Variants in TSPAN18 observed in about 807,000 individuals in gnomAD.
TSPAN18 encodes the protein tetraspanin-18.
In TSPAN18, 14 loss-of-function variants were observed where a neutral mutation model predicts 27.3. The observed-to-expected ratio is 0.51, with a 90% CI of 0.34 to 0.80. The LOEUF (loss-of-function observed/expected upper bound fraction) is 0.80, where lower values mean the gene tolerates loss of function less well. Among genes scored for constraint, TSPAN18 ranks in the 30% least tolerant of loss-of-function variants. The probability of loss-of-function intolerance (pLI) is 0.01; values close to 1 mark genes in which losing one functional copy is unlikely to be tolerated. For missense variants in TSPAN18, 268 were observed against 323.9 expected (o/e 0.83, Z 1.32); for synonymous variants, 143 against 136.5 (o/e 1.05, Z -0.33).
intron 9 of TSPAN18, 61 bp downstream of exon 9, chr11:44,926,818 A>G: frequency 6.4e-7 from 1 of 1,560,806 alleles, no homozygotes; most frequent in Non-Finnish European, 8.8e-7. Flanking sequence ...GAGCCTAGGC[A>G]GATCCCCCCA....
intron 8 of TSPAN18, among the ~76,000 whole-genome samples, chr11:44,924,437 C>T (rs541621676): frequency 2.0e-5 from 3 of 152,280 alleles, no homozygotes; most frequent in African/African-American, 7.2e-5. Flanking sequence ...GGCTGGGACC[C>T]TAGGCAACCA....
At chr11:44,744,089 T>C (rs1007117811) in intron 1 of TSPAN18, among the ~76,000 whole-genome samples, 6 of 152,170 alleles carry the variant, frequency 3.9e-5, no homozygotes, top group Non-Finnish European at 5.9e-5. Context: ...ACTGTGAGTT[T>C]TTCTGCAAAT....
rs386373739 is a variant in TSPAN18 at position 44,908,056 on chromosome 11, G to GA, written c.63+1591dup. Among the ~76,000 whole-genome samples the GA allele has an allele frequency of 9.1e-4, 114 of 124,914 alleles. 1 individual carries two copies. Among genetic ancestry groups the GA allele is most frequent in the Admixed American group, 1.1e-3 (13 of 12,060 alleles). 81.9% of individuals were successfully genotyped at this position (124,914 alleles called of 152,430 possible). ...GGCAACAGAGTGAAACTCCGTCTCA[G>GA]AAAAAAAAAAAAAAGGAGAGAGACA... On this transcript the variant is annotated intron_variant, in intron 4 of 9. Transcript: ENST00000520358.
upstream of TSPAN18, chr11:44,726,822 A>T (rs1854512945): frequency 1.0e-5 from 1 of 98,410 alleles, no homozygotes. Context: ...GGCGAGGGGC[A>T]GCCCGCAGAG....
chr11:44,774,853 T>C lies in TSPAN18; in HGVS notation c.-153+10341T>C, dbSNP rs1344001249. On this transcript the variant is annotated intron_variant, in intron 2 of 9. Coordinates refer to ENST00000520358, the MANE Select transcript of TSPAN18 (RefSeq NM_130783.5). ...TAAGACAATAAAACAATTCAGAGCT[T>C]GGAAAATGAAGGGAAAAGAAATCAT... 2.0e-5 allele frequency among the ~76,000 whole-genome samples: 3 copies of C among 152,214 alleles called. No homozygotes were observed. In the East Asian group the frequency reaches 5.8e-4, roughly 29 times the overall value.
chr11:44,777,883 G>A lies in TSPAN18; in HGVS notation c.-153+13371G>A, dbSNP rs184850097. 1.7e-3 allele frequency among the ~76,000 whole-genome samples: 259 copies of A among 152,290 alleles called. 1 individual carries two copies. The highest frequency in any genetic ancestry group is 5.0e-3 in the African/African-American group (208 of 41,556). Reference sequence around the variant, plus strand: ...TGCCAAGCCCTGGTTCAGGGACTAGGGATACCCAGGTAGGCACCACATGTG... The same window carrying A: ...TGCCAAGCCCTGGTTCAGGGACTAGAGATACCCAGGTAGGCACCACATGTG... On this transcript the variant is annotated intron_variant, in intron 2 of 9. Transcript: ENST00000520358.
chr11:44,826,608 G>A (rs1311468212), intron 2 of TSPAN18, among the ~76,000 whole-genome samples: 1 of 152,206 alleles, frequency 6.6e-6, no homozygotes, highest in Non-Finnish European at 1.5e-5. Context: ...TAGAGATAAA[G>A]AAACTGATGC....
At chr11:44,799,174 G>T (rs532259207) in intron 2 of TSPAN18, among the ~76,000 whole-genome samples, 1 of 152,144 alleles carries the variant, frequency 6.6e-6, no homozygotes, top group African/African-American at 2.4e-5. Flanking sequence ...GGCTTCTCCT[G>T]CCCCCTCCCC....
At chr11:44,874,249 G>A (rs1316520034) in intron 3 of TSPAN18, among the ~76,000 whole-genome samples, 5 of 152,130 alleles carry the variant, frequency 3.3e-5, no homozygotes, top group Admixed American at 6.5e-5. Context: ...CACCTCTTCC[G>A]CCTGATTCAG....
intron 2 of TSPAN18, among the ~76,000 whole-genome samples, chr11:44,811,916 G>A (rs946234898): frequency 2.0e-5 from 3 of 152,214 alleles, no homozygotes; most frequent in Non-Finnish European, 4.4e-5. Context: ...AACCCCCAGG[G>A]GGAGAACAGA....
At chr11:44,861,511 C>T (rs1455667801) in intron 3 of TSPAN18, among the ~76,000 whole-genome samples, 1 of 147,630 alleles carries the variant, frequency 6.8e-6, no homozygotes, top group Non-Finnish European at 1.5e-5. Context: ...GTGGTGAGGT[C>T]GGTAGGTGTC....
At chr11:44,910,182 C>T (rs1294086567) in intron 5 of TSPAN18, among the ~76,000 whole-genome samples, 2 of 152,258 alleles carry the variant, frequency 1.3e-5, no homozygotes, top group Non-Finnish European at 2.9e-5. Flanking sequence ...TGCAGTGCCT[C>T]AGGCTGCCTC....
chr11:44,898,971 C>T (rs1859162639), intron 3 of TSPAN18, among the ~76,000 whole-genome samples: 1 of 152,230 alleles, frequency 6.6e-6, no homozygotes, highest in Admixed American at 6.5e-5. Context: ...AGACACCCAT[C>T]TGTAAGCACA....
intron 2 of TSPAN18, among the ~76,000 whole-genome samples, chr11:44,778,958 AT>A: frequency 6.6e-6 from 1 of 152,268 alleles, no homozygotes; most frequent in East Asian, 1.9e-4. Context: ...CACACCGGGC[AT>A]CCTCCCAGGA....
At chr11:44,925,009 A>G (rs1488963375) in intron 8 of TSPAN18, among the ~76,000 whole-genome samples, 2 of 152,216 alleles carry the variant, frequency 1.3e-5, no homozygotes, top group African/African-American at 4.8e-5. Context: ...ACCCCCAGCC[A>G]CACTGATGTC....
At chr11:44,750,055 T>C (rs1339338236) in intron 1 of TSPAN18, among the ~76,000 whole-genome samples, 6 of 152,234 alleles carry the variant, frequency 3.9e-5, no homozygotes, top group Non-Finnish European at 8.8e-5. Context: ...TAGGGAATCC[T>C]TGGGGAACCC....
rs1437111753 is a variant in TSPAN18 at position 44,929,329 on chromosome 11, A to AT, written c.*158dup. ...GGAGAAGGGCCAGGGGAATAGAGCT[A>AT]TTTTTTTAACAAAACAAAATGAAGA... On this transcript the variant is annotated 3_prime_UTR_variant, in exon 10 of 10. Transcript: ENST00000520358. 1.3e-5 allele frequency: 12 copies of AT among 913,834 alleles called. No homozygotes were observed. Among genetic ancestry groups the AT allele is most frequent in the Middle Eastern group, 3.0e-4 (1 of 3,372 alleles). 56.6% of individuals were successfully genotyped at this position (913,834 alleles called of 1,614,324 possible). A position where few individuals can be genotyped will look rare whatever the true frequency, so the allele number is the denominator to read the frequency against.
chr11:44,765,088 G>C (rs1855536397), intron 2 of TSPAN18, among the ~76,000 whole-genome samples: 1 of 152,144 alleles, frequency 6.6e-6, no homozygotes, highest in African/African-American at 2.4e-5. Flanking sequence ...TGGTGGGCTG[G>C]GTGGCCTCAT....
Position 44,930,526 on chromosome 11 carries a change from C to T in TSPAN18, c.*1348C>T, listed in dbSNP as rs1191626287. ...GGCCATTTCTGCTGCAACAAGGTTT[C>T]CTGTCTCTTCACTGTCCGCACATTT... On this transcript the variant is annotated 3_prime_UTR_variant, in exon 10 of 10. Coordinates refer to ENST00000520358, the MANE Select transcript of TSPAN18 (RefSeq NM_130783.5). The T allele has an allele frequency of 8.0e-6, 2 of 249,500 alleles. No homozygotes were observed. Among genetic ancestry groups the T allele is most frequent in the Non-Finnish European group, 1.6e-5 (2 of 125,070 alleles). The allele number at this position is 249,500 out of a possible 1,614,324, so 15.5% of individuals were successfully genotyped here.
Sources: gnomAD v4.1 joint callset for allele counts (sites outside exome capture counted in the v4.1 genomes callset) on GRCh38, gnomAD v4.1.1 for gene constraint, MANE v1.5 for transcripts, NCBI Gene and HGNC (gene_info 2026-07-23, HGNC 2026-07-21) for gene names.